Variants in PTPRG observed in about 807,000 individuals in gnomAD.
PTPRG encodes the protein receptor-type tyrosine-protein phosphatase gamma.
Under a neutral mutation model 165.3 loss-of-function variants are expected in PTPRG, and 102 were observed. That is an observed-to-expected ratio of 0.62 (90% CI 0.53 to 0.73). The LOEUF is 0.73. Ranked by LOEUF, PTPRG falls within the 30% of genes least tolerant of loss-of-function variation. The pLI is 0.00. For synonymous variants in PTPRG, 675 were observed against 669.5 expected, an observed-to-expected ratio of 1.01 and a Z score of -0.13; for missense variants, 1,866 against 1,861.4, an observed-to-expected ratio of 1.00 and a Z score of -0.05.
chr3:61,851,354 C>T (rs1559648875), intron 2 of PTPRG, among the ~76,000 whole-genome samples: 1 of 152,118 alleles, frequency 6.6e-6, no homozygotes, highest in Non-Finnish European at 1.5e-5. Context: ...GGTGAATACC[C>T]TGTTTGAATG....
intron 3 of PTPRG, among the ~76,000 whole-genome samples, chr3:61,997,007 T>C (rs2041054509): frequency 6.6e-6 from 1 of 152,224 alleles, no homozygotes; most frequent in Non-Finnish European, 1.5e-5. Flanking sequence ...TTTTCTGTTT[T>C]AGGGTACAGC....
chr3:61,894,622 G>C (rs192382768), intron 2 of PTPRG, among the ~76,000 whole-genome samples: 25 of 152,102 alleles, frequency 1.6e-4, no homozygotes, highest in African/African-American at 5.3e-4. Context: ...AAAGGTAATC[G>C]CCTAACTTAA....
intron 2 of PTPRG, among the ~76,000 whole-genome samples, chr3:61,927,896 T>C (rs2039263446): frequency 1.3e-5 from 2 of 152,046 alleles, no homozygotes; most frequent in Admixed American, 1.3e-4. Flanking sequence ...GTGGACATTT[T>C]CCCCCCTTTC....
chr3:61,957,663 A>G (rs1186956184), intron 2 of PTPRG, among the ~76,000 whole-genome samples: 5 of 152,222 alleles, frequency 3.3e-5, no homozygotes, highest in African/African-American at 9.6e-5. Flanking sequence ...TAGCTTCTGC[A>G]GGAGAAGGTG....
rs200586504 is a variant in PTPRG at position 61,940,675 on chromosome 3, TA to T, written c.191-48949del. On this transcript the variant is annotated intron_variant, in intron 2 of 29. Coordinates refer to ENST00000474889, the MANE Select transcript of PTPRG (RefSeq NM_002841.4). Reference sequence around the variant, plus strand: ...TTTATTTATTTATTTATTTATTTTTTATTTTTTTGACAGAGTCTCGCTCTGT... The same window carrying T: ...TTTATTTATTTATTTATTTATTTTTTTTTTTTTGACAGAGTCTCGCTCTGT... Among the ~76,000 whole-genome samples the T allele has an allele frequency of 2.0e-3, 190 of 92,966 alleles. 2 individuals are homozygous for T. Among genetic ancestry groups the T allele is most frequent in the South Asian group, 0.014 (24 of 1,764 alleles). 61.0% of individuals were successfully genotyped at this position (92,966 alleles called of 152,430 possible).
intron 1 of PTPRG, among the ~76,000 whole-genome samples, chr3:61,747,097 T>G (rs1302857992): frequency 2.0e-5 from 3 of 149,574 alleles, no homozygotes; most frequent in Non-Finnish European, 4.4e-5. Flanking sequence ...CACTCCAGCC[T>G]GTTCGACAGA....
intron 1 of PTPRG, among the ~76,000 whole-genome samples, chr3:61,598,077 A>G (rs1049747577): frequency 3.3e-5 from 5 of 152,168 alleles, no homozygotes; most frequent in Non-Finnish European, 7.4e-5. Context: ...AAACTCGGCT[A>G]CCTCTGTTCA....
intron 2 of PTPRG, among the ~76,000 whole-genome samples, chr3:61,858,710 A>G (rs2037180768): frequency 1.3e-5 from 2 of 152,184 alleles, no homozygotes; most frequent in South Asian, 2.1e-4. Context: ...TGAGATATCA[A>G]TTGAGGGTAG....
chr3:61,564,346 CCTT>C (rs1473199140), intron 1 of PTPRG, among the ~76,000 whole-genome samples: 4 of 152,102 alleles, frequency 2.6e-5, no homozygotes, highest in East Asian at 1.9e-4. Context: ...CCACTTCTGT[CCTT>C]CTTGCGCTCG....
chr3:61,614,056 C>T (rs533607024), intron 1 of PTPRG, among the ~76,000 whole-genome samples: 3 of 152,282 alleles, frequency 2.0e-5, no homozygotes, highest in African/African-American at 7.2e-5. Flanking sequence ...TGATCTTCCT[C>T]CTTTTAGAAA....
intron 2 of PTPRG, among the ~76,000 whole-genome samples, chr3:61,791,360 C>T (rs1242524391): frequency 1.3e-5 from 2 of 152,212 alleles, no homozygotes; most frequent in Non-Finnish European, 1.5e-5. Flanking sequence ...CATGCTGTTC[C>T]AGCCTTTGAG....
At chr3:61,865,280 C>A (rs540432394) in intron 2 of PTPRG, among the ~76,000 whole-genome samples, 2 of 152,288 alleles carry the variant, frequency 1.3e-5, no homozygotes, top group African/African-American at 4.8e-5. Flanking sequence ...ATAGTGACAA[C>A]AACAGCAGTA....
At chr3:61,956,289 C>CG (rs1354078680) in intron 2 of PTPRG, among the ~76,000 whole-genome samples, 1 of 105,968 alleles carries the variant, frequency 9.4e-6, no homozygotes, top group East Asian at 3.0e-4. Flanking sequence ...CTCTCTCTCT[C>CG]TCTCTCACAC....
chr3:61,598,427 G>C (rs1700759362), intron 1 of PTPRG, among the ~76,000 whole-genome samples: 1 of 152,164 alleles, frequency 6.6e-6, no homozygotes, highest in Non-Finnish European at 1.5e-5. Flanking sequence ...CTCTGAACTA[G>C]GATGTGAGGT....
intron 4 of PTPRG, among the ~76,000 whole-genome samples, chr3:62,039,186 T>C (rs1394453248): frequency 6.6e-6 from 1 of 152,024 alleles, no homozygotes; most frequent in Non-Finnish European, 1.5e-5. Context: ...CTGCCTGCCT[T>C]GGCCTCCCAA....
intron 1 of PTPRG, among the ~76,000 whole-genome samples, chr3:61,651,126 CTCTT>C (rs1023659277): frequency 2.6e-5 from 4 of 151,354 alleles, no homozygotes; most frequent in Admixed American, 6.6e-5. Flanking sequence ...TATTTGGACA[CTCTT>C]TCTCTTTTTT....
At chr3:62,291,024 C>T (rs1702871367) in intron 28 of PTPRG, among the ~76,000 whole-genome samples, 1 of 152,000 alleles carries the variant, frequency 6.6e-6, no homozygotes, top group Non-Finnish European at 1.5e-5. Flanking sequence ...ATAAAAATAA[C>T]TCCTATATAA....
chr3:62,234,463 A>G (rs1011194245), intron 14 of PTPRG, among the ~76,000 whole-genome samples: 10 of 151,736 alleles, frequency 6.6e-5, no homozygotes, highest in Admixed American at 5.9e-4. Flanking sequence ...TGAGCATGCT[A>G]TTTCCCTACA....
At chr3:61,748,726 G>A (rs898386568) in intron 1 of PTPRG, 152 bp from the exon 2 acceptor site, 11 of 507,188 alleles carry the variant, frequency 2.2e-5, no homozygotes, top group African/African-American at 1.7e-4. Flanking sequence ...CTTTCCTATA[G>A]TTTTTTTTTT....
Sources: allele counts gnomAD v4.1 joint callset (sites outside exome capture counted in the v4.1 genomes callset), GRCh38; gene constraint gnomAD v4.1.1; transcripts MANE v1.5; gene names NCBI Gene and HGNC (gene_info 2026-07-23, HGNC 2026-07-21).